Variants in SDK1 observed in about 807,000 individuals in gnomAD.
SDK1 encodes the protein sidekick cell adhesion molecule 1.
Under a neutral mutation model 245.5 loss-of-function variants are expected in SDK1, and 157 were observed. The ratio of observed to expected loss-of-function variants is 0.64; its 90% CI spans 0.56 to 0.73. The LOEUF is 0.73. Ranked by LOEUF, SDK1 falls within the 30% of genes least tolerant of loss-of-function variation. The pLI, the probability that SDK1 is intolerant of heterozygous loss-of-function variation, is 0.00. For synonymous variants in SDK1, 1,647 were observed against 1,278.5 expected (o/e 1.29, Z -6.15); for missense variants, 3,583 against 3,002.3 (o/e 1.19, Z -4.52).
At chr7:3,340,112 A>T (rs1354058175) in intron 1 of SDK1, among the ~76,000 whole-genome samples, 2 of 148,924 alleles carry the variant, frequency 1.3e-5, no homozygotes, top group East Asian at 1.9e-4. Context: ...TTTAGTTTTA[A>T]TTAGCTTTTT....
intron 5 of SDK1, among the ~76,000 whole-genome samples, chr7:3,896,591 T>G (rs1461088090): frequency 6.6e-6 from 1 of 152,200 alleles, no homozygotes; most frequent in East Asian, 1.9e-4. Flanking sequence ...CTGTCTGGCT[T>G]CCCTCAGCCT....
intron 2 of SDK1, among the ~76,000 whole-genome samples, chr7:3,625,705 C>T (rs1347385681): frequency 1.3e-5 from 2 of 152,160 alleles, no homozygotes; most frequent in Admixed American, 6.5e-5. Flanking sequence ...ATATGGGTCC[C>T]ATGGTTATTA....
intron 1 of SDK1, among the ~76,000 whole-genome samples, chr7:3,466,887 T>C (rs959028207): frequency 2.0e-5 from 3 of 151,862 alleles, no homozygotes; most frequent in African/African-American, 7.3e-5. Flanking sequence ...GAGGCATTGA[T>C]TTTTAAAGCT....
intron 1 of SDK1, among the ~76,000 whole-genome samples, chr7:3,311,164 G>C (rs1779540856): frequency 6.6e-6 from 1 of 152,136 alleles, no homozygotes. Flanking sequence ...ATACAACCTG[G>C]ATAAATTGCA....
At position 4,125,402 on chromosome 7, in the gene SDK1, AGATG is replaced by A. The variant is rs749624083; in HGVS notation, c.3824-1970_3824-1967del. Among the ~76,000 whole-genome samples, 537 of 140,260 alleles carry A rather than the reference AGATG, an allele frequency of 3.8e-3. 3 individuals are homozygous for A. Among genetic ancestry groups the A allele is most frequent in the African/African-American group, 0.012 (446 of 37,358 alleles). 92.0% of individuals were successfully genotyped at this position (140,260 alleles called of 152,430 possible). On this transcript the variant is annotated intron_variant, in intron 25 of 44. Coordinates refer to ENST00000404826, the MANE Select transcript of SDK1 (RefSeq NM_152744.4). ...GTGATGGGTGGGTGGATGGATGGAT[AGATG>A]GATGGATGATGGATGGATGGATGAG...
intron 5 of SDK1, among the ~76,000 whole-genome samples, chr7:3,917,625 T>G (rs1010318970): frequency 2.6e-5 from 4 of 152,096 alleles, no homozygotes; most frequent in African/African-American, 4.8e-5. Flanking sequence ...TAAAGCCTGA[T>G]GAACCACACT....
intron 22 of SDK1, among the ~76,000 whole-genome samples, chr7:4,094,597 G>A (rs949199453): frequency 6.6e-6 from 1 of 152,230 alleles, no homozygotes; most frequent in Non-Finnish European, 1.5e-5. Flanking sequence ...CTCATGGCAG[G>A]TGGCCATGCC....
intron 3 of SDK1, 60 bp from the exon 4 acceptor site, chr7:3,641,898 A>G: frequency 7.1e-7 from 1 of 1,416,452 alleles, no homozygotes; most frequent in South Asian, 1.3e-5. Context: ...TCCATCTGTG[A>G]CCCCTTCCCT....
intron 4 of SDK1, among the ~76,000 whole-genome samples, chr7:3,791,167 A>C (rs6958783): frequency 0.063 from 9,366 of 149,734 alleles, 851 homozygotes; most frequent in African/African-American, 0.21. Context: ...AAAAACAACA[A>C]AAAAAAAAAC....
At chr7:4,133,327 C>T (rs1193040500) in intron 28 of SDK1, among the ~76,000 whole-genome samples, 1 of 152,238 alleles carries the variant, frequency 6.6e-6, no homozygotes, top group Non-Finnish European at 1.5e-5. Flanking sequence ...TTCACCCTTT[C>T]ACAGAGACAA....
intron 1 of SDK1, among the ~76,000 whole-genome samples, chr7:3,315,369 A>T (rs1341799678): frequency 1.3e-5 from 2 of 151,224 alleles, no homozygotes; most frequent in African/African-American, 4.9e-5. Flanking sequence ...AGAGAAGTTA[A>T]GGTCACTCAC....
chr7:4,266,656 C>G lies in SDK1; in HGVS notation c.*1272C>G. 1.0e-6 allele frequency: 1 copy of G among 985,462 alleles called. No homozygotes were observed. The highest frequency in any genetic ancestry group is 1.2e-6 in the Non-Finnish European group (1 of 829,938). The allele number at this position is 985,462 out of a possible 1,614,324, so 61.0% of individuals were successfully genotyped here. ...GTATGAACTACTTTGGAAAACTTAACAGCTCAGAGATGGCCATGCCTCCAG... is the reference window on the plus strand; with the variant it reads ...GTATGAACTACTTTGGAAAACTTAAGAGCTCAGAGATGGCCATGCCTCCAG... On this transcript the variant is annotated 3_prime_UTR_variant, in exon 45 of 45. Coordinates refer to ENST00000404826, the MANE Select transcript of SDK1 (RefSeq NM_152744.4).
chr7:3,565,120 T>A (rs1321109795), intron 1 of SDK1, among the ~76,000 whole-genome samples: 5 of 151,370 alleles, frequency 3.3e-5, no homozygotes, highest in Middle Eastern at 6.8e-3. Flanking sequence ...TTTTTTTTTT[T>A]AAACCTCACA....
chr7:3,453,597 G>A (rs895113545), intron 1 of SDK1, among the ~76,000 whole-genome samples: 5 of 152,126 alleles, frequency 3.3e-5, no homozygotes, highest in Non-Finnish European at 7.4e-5. Flanking sequence ...AAGGAATGCC[G>A]ACAGCTGCCT....
intron 4 of SDK1, among the ~76,000 whole-genome samples, chr7:3,689,661 C>T (rs958963009): frequency 6.6e-6 from 1 of 152,148 alleles, no homozygotes; most frequent in African/African-American, 2.4e-5. Flanking sequence ...TTTTACTAGG[C>T]CTCAGATTTC....
chr7:3,667,507 T>C (rs929098738), intron 4 of SDK1, among the ~76,000 whole-genome samples: 7 of 152,200 alleles, frequency 4.6e-5, no homozygotes, highest in African/African-American at 1.7e-4. Context: ...GCTTGATGAA[T>C]TTTGACAAAC....
intron 17 of SDK1, among the ~76,000 whole-genome samples, chr7:4,039,935 A>G (rs894429795): frequency 2.0e-5 from 3 of 152,236 alleles, no homozygotes; most frequent in Non-Finnish European, 2.9e-5. Flanking sequence ...ACTTAGTCAC[A>G]TAGGTAAAAA....
At chr7:4,229,488 T>A (rs949007908) in intron 40 of SDK1, among the ~76,000 whole-genome samples, 1 of 152,226 alleles carries the variant, frequency 6.6e-6, no homozygotes, top group Non-Finnish European at 1.5e-5. Context: ...TTTAAAATGT[T>A]ATTATGAAAA....
intron 1 of SDK1, among the ~76,000 whole-genome samples, chr7:3,317,799 T>G (rs891386484): frequency 9.2e-5 from 14 of 152,246 alleles, no homozygotes; most frequent in African/African-American, 3.4e-4. Context: ...TTGTTGTTCA[T>G]AAGCCTCTTT....
Sources: gnomAD v4.1 joint callset for allele counts (sites outside exome capture counted in the v4.1 genomes callset) on GRCh38, gnomAD v4.1.1 for gene constraint, MANE v1.5 for transcripts, NCBI Gene and HGNC (gene_info 2026-07-23, HGNC 2026-07-21) for gene names.